ADARB2: variants seen among roughly 807,000 people sequenced by gnomAD.
ADARB2 encodes the protein adenosine deaminase RNA specific B2 (inactive), also known as inactive double-stranded RNA-specific editase B2.
In ADARB2, 25 loss-of-function variants were observed where a neutral mutation model predicts 62.2. The observed-to-expected ratio is 0.40, with a 90% confidence interval of 0.29 to 0.56. The LOEUF is 0.56. ADARB2 is among the 20% of genes least tolerant of loss of function. The pLI is 0.43. For missense variants in ADARB2, 1,071 were observed against 1,077.4 expected (o/e 0.99, Z 0.08); for synonymous variants, 572 against 500.8 (o/e 1.14, Z -1.90).
At chr10:1,199,227 C>T (rs887490815) in intron 8 of ADARB2, among the ~76,000 whole-genome samples, 3 of 149,374 alleles carry the variant, frequency 2.0e-5, no homozygotes, top group African/African-American at 7.4e-5. Flanking sequence ...CCCCCGCTTC[C>T]CGCTGTTCCT....
chr10:1,227,890 G>A (rs1032226870), intron 6 of ADARB2, among the ~76,000 whole-genome samples: 4 of 152,216 alleles, frequency 2.6e-5, no homozygotes, highest in Non-Finnish European at 4.4e-5. Context: ...ATCCACAGAA[G>A]TTACCATGTG....
At chr10:1,546,466 C>T (rs938942552) in intron 1 of ADARB2, among the ~76,000 whole-genome samples, 3 of 152,248 alleles carry the variant, frequency 2.0e-5, no homozygotes, top group African/African-American at 7.2e-5. Flanking sequence ...GCCTGTCTGT[C>T]CTGCTCCTGA....
chr10:1,583,650 A>G (rs909812330), intron 1 of ADARB2, among the ~76,000 whole-genome samples: 2 of 152,240 alleles, frequency 1.3e-5, no homozygotes, highest in African/African-American at 4.8e-5. Flanking sequence ...TTAAGATGTC[A>G]CTTCTTCCTC....
At chr10:1,365,457 G>A (rs1371510145) in intron 2 of ADARB2, among the ~76,000 whole-genome samples, 1 of 152,102 alleles carries the variant, frequency 6.6e-6, no homozygotes, top group East Asian at 1.9e-4. Flanking sequence ...TTAGTGAAAG[G>A]AAGAGTCACT....
intron 1 of ADARB2, among the ~76,000 whole-genome samples, chr10:1,476,099 C>G (rs1264425580): frequency 6.6e-6 from 1 of 151,858 alleles, no homozygotes; most frequent in East Asian, 1.9e-4. Context: ...GAAAGCTCTG[C>G]AGAAGTAAAA....
intron 3 of ADARB2, among the ~76,000 whole-genome samples, chr10:1,328,691 T>C (rs1337500018): frequency 6.6e-6 from 1 of 152,116 alleles, no homozygotes; most frequent in Non-Finnish European, 1.5e-5. Flanking sequence ...TCATTTTGCT[T>C]ACCAAGAAGC....
At chr10:1,329,373 G>T (rs1035506137) in intron 3 of ADARB2, among the ~76,000 whole-genome samples, 1 of 152,236 alleles carries the variant, frequency 6.6e-6, no homozygotes, top group Non-Finnish European at 1.5e-5. Flanking sequence ...CTCTAAAAAT[G>T]TATCCCTTGT....
intron 2 of ADARB2, among the ~76,000 whole-genome samples, chr10:1,365,261 G>A (rs1328443228): frequency 6.6e-6 from 1 of 152,050 alleles, no homozygotes; most frequent in East Asian, 1.9e-4. Context: ...ATGTTACTAT[G>A]GTGATTGTCT....
At chr10:1,579,052 G>A (rs975950640) in intron 1 of ADARB2, among the ~76,000 whole-genome samples, 2 of 152,184 alleles carry the variant, frequency 1.3e-5, no homozygotes, top group South Asian at 2.1e-4. Context: ...ATACCACGAG[G>A]TGGGAGAGCC....
chr10:1,401,239 C>A (rs1349266202), intron 1 of ADARB2, among the ~76,000 whole-genome samples: 3 of 152,142 alleles, frequency 2.0e-5, no homozygotes, highest in Admixed American at 6.5e-5. Context: ...GGGGACGGCC[C>A]GGTGTGTGTG....
chr10:1,294,130 G>T (rs993835925), intron 3 of ADARB2, among the ~76,000 whole-genome samples: 1 of 152,180 alleles, frequency 6.6e-6, no homozygotes, highest in Non-Finnish European at 1.5e-5. Context: ...GTGGGTACGA[G>T]AATAGATCAT....
At chr10:1,344,378 A>G (rs375318423) in intron 3 of ADARB2, among the ~76,000 whole-genome samples, 5 of 152,346 alleles carry the variant, frequency 3.3e-5, no homozygotes, top group Admixed American at 1.3e-4. Flanking sequence ...CCAAAGCTGC[A>G]TGGCAGGAGA....
chr10:1,246,876 A>G (rs1480526990), intron 4 of ADARB2, among the ~76,000 whole-genome samples: 2 of 151,896 alleles, frequency 1.3e-5, no homozygotes, highest in Non-Finnish European at 2.9e-5. Context: ...GAAGAAAGTC[A>G]TTGGTAGCTT....
chr10:1,543,969 T>C (rs1371759189), intron 1 of ADARB2, among the ~76,000 whole-genome samples: 1 of 143,204 alleles, frequency 7.0e-6, no homozygotes, highest in Admixed American at 7.2e-5. Flanking sequence ...CACAGATAGC[T>C]CTTACTGAAA....
At chr10:1,564,702 C>A (rs1220782419) in intron 1 of ADARB2, among the ~76,000 whole-genome samples, 1 of 151,990 alleles carries the variant, frequency 6.6e-6, no homozygotes, top group Admixed American at 6.6e-5. Context: ...AAATCAAAAC[C>A]ACAGCGAGAT....
chr10:1,188,314 A>C (rs939885080), intron 8 of ADARB2: 7 of 152,286 alleles, frequency 4.6e-5, no homozygotes, highest in African/African-American at 1.7e-4. Context: ...TCCAAGTCAC[A>C]CAGATCAAAA....
chr10:1,502,062 G>A (rs1372749941), intron 1 of ADARB2, among the ~76,000 whole-genome samples: 1 of 152,236 alleles, frequency 6.6e-6, no homozygotes, highest in Admixed American at 6.5e-5. Context: ...AGAACATTGA[G>A]GCTGATCACT....
At chr10:1,710,886 T>G (rs1187224905) in intron 1 of ADARB2, among the ~76,000 whole-genome samples, 1 of 152,076 alleles carries the variant, frequency 6.6e-6, no homozygotes, top group African/African-American at 2.4e-5. Flanking sequence ...CTTTGATACC[T>G]CCACAGATGC....
At chr10:1,534,492 C>T (rs1564320659) in intron 1 of ADARB2, 2 of 152,424 alleles carry the variant, frequency 1.3e-5, no homozygotes, top group East Asian at 3.9e-4. Context: ...GCGTTTCCGC[C>T]TTTGCCTTCC....
Sources: gnomAD v4.1 joint callset for allele counts (sites outside exome capture counted in the v4.1 genomes callset) on GRCh38, gnomAD v4.1.1 for gene constraint, MANE v1.5 for transcripts, NCBI Gene and HGNC (gene_info 2026-07-23, HGNC 2026-07-21) for gene names.